CHRM3: variants seen among roughly 807,000 people sequenced by gnomAD.
CHRM3 encodes muscarinic acetylcholine receptor M3.
A neutral mutation model predicts 41.8 loss-of-function variants in CHRM3; 11 were observed. The ratio of observed to expected loss-of-function variants is 0.26; its 90% CI spans 0.17 to 0.44. CHRM3 has a LOEUF of 0.44. Ranked by LOEUF, CHRM3 falls within the 20% of genes least tolerant of loss-of-function variation. CHRM3 has a pLI of 1.00. For synonymous variants in CHRM3, 297 were observed against 301.4 expected (o/e 0.99, Z 0.15); for missense variants, 571 against 745.4 (o/e 0.77, Z 2.72).
chr1:239,801,878 T>A (rs1232515156), intron 5 of CHRM3, among the ~76,000 whole-genome samples: 1 of 152,148 alleles, frequency 6.6e-6, no homozygotes, highest in Non-Finnish European at 1.5e-5. Flanking sequence ...ATGATACCAT[T>A]ACTTTCATGT....
At chr1:239,413,006 A>G (rs1661221129) in intron 1 of CHRM3, among the ~76,000 whole-genome samples, 2 of 151,442 alleles carry the variant, frequency 1.3e-5, no homozygotes, top group Admixed American at 6.6e-5. Context: ...TGAACCCGGG[A>G]GGTGGAGGTT....
chr1:239,827,437 A>C (rs1372258706), intron 6 of CHRM3, 59 bp downstream of exon 6: 1 of 152,182 alleles, frequency 6.6e-6, no homozygotes, highest in African/African-American at 2.4e-5. Flanking sequence ...AGAAGAATGG[A>C]CAAATTGCCT....
chr1:239,705,148 A>T (rs1661026805), intron 5 of CHRM3: 1 of 152,240 alleles, frequency 6.6e-6, no homozygotes, highest in African/African-American at 2.4e-5. Context: ...TCGAGGTTAC[A>T]GTGAGCTATG....
chr1:239,505,198 A>G (rs1402002944), intron 2 of CHRM3, among the ~76,000 whole-genome samples: 3 of 152,252 alleles, frequency 2.0e-5, no homozygotes, highest in African/African-American at 7.2e-5. Flanking sequence ...AGCTGTGAGA[A>G]CTGAGTGGAA....
intron 6 of CHRM3, among the ~76,000 whole-genome samples, chr1:239,889,500 C>T (rs1678364545): frequency 6.6e-6 from 1 of 152,138 alleles, no homozygotes; most frequent in Non-Finnish European, 1.5e-5. Context: ...GTACAAGCTT[C>T]CAGCTTGCTT....
At chr1:239,802,723 G>A (rs150060141) in intron 5 of CHRM3, among the ~76,000 whole-genome samples, 1,927 of 152,204 alleles carry the variant, frequency 0.013, 49 homozygotes, top group African/African-American at 0.045. Context: ...TCAGCCTCCC[G>A]TGTAGCTGGG....
At chr1:239,515,750 T>C (rs1669224435) in intron 2 of CHRM3, among the ~76,000 whole-genome samples, 1 of 152,184 alleles carries the variant, frequency 6.6e-6, no homozygotes, top group African/African-American at 2.4e-5. Flanking sequence ...TCTGCCATCA[T>C]TTGGCCAAAA....
chr1:239,857,516 A>G (rs183151317), intron 6 of CHRM3, among the ~76,000 whole-genome samples: 1 of 152,272 alleles, frequency 6.6e-6, no homozygotes, highest in East Asian at 1.9e-4. Context: ...GTGTGTGTGA[A>G]GTAAAAATCA....
chr1:239,777,074 CAAT>C (rs1371119643), intron 5 of CHRM3, among the ~76,000 whole-genome samples: 10 of 152,138 alleles, frequency 6.6e-5, no homozygotes, highest in African/African-American at 2.2e-4. Context: ...TGAGCTAACA[CAAT>C]AATCCTTTCA....
intron 6 of CHRM3, among the ~76,000 whole-genome samples, chr1:239,895,542 T>C (rs1466123943): frequency 2.9e-5 from 4 of 139,672 alleles, no homozygotes; most frequent in African/African-American, 1.2e-4. Context: ...CTGTTCACAA[T>C]AGCAAAGACA....
intron 5 of CHRM3, among the ~76,000 whole-genome samples, chr1:239,719,332 A>T (rs1038904734): frequency 2.1e-4 from 32 of 152,152 alleles, no homozygotes; most frequent in African/African-American, 7.2e-4. Flanking sequence ...GTAGTTATTT[A>T]GCCCTTAATT....
intron 3 of CHRM3, among the ~76,000 whole-genome samples, chr1:239,623,498 A>ATTT (rs532141328): frequency 9.7e-4 from 123 of 126,766 alleles, no homozygotes; most frequent in African/African-American, 3.2e-3. Context: ...TTTTTTTTTA[A>ATTT]TTTTTTTTTT....
At chr1:239,622,060 G>T (rs1257328034) in intron 3 of CHRM3, among the ~76,000 whole-genome samples, 1 of 152,032 alleles carries the variant, frequency 6.6e-6, no homozygotes. Context: ...AATCTACTTT[G>T]CCTGTGCTCT....
At chr1:239,480,119 G>GA (rs371692571) in intron 1 of CHRM3, among the ~76,000 whole-genome samples, 1 of 151,994 alleles carries the variant, frequency 6.6e-6, no homozygotes, top group Non-Finnish European at 1.5e-5. Context: ...TCTACATCTA[G>GA]AAAAAATGAG....
chr1:239,535,286 T>A (rs1363421334), intron 2 of CHRM3, among the ~76,000 whole-genome samples: 2 of 152,062 alleles, frequency 1.3e-5, no homozygotes, highest in African/African-American at 2.4e-5. Context: ...AGAATTCCTC[T>A]AATAAAAGGT....
At chr1:239,566,151 C>G (rs1661344941) in intron 3 of CHRM3, among the ~76,000 whole-genome samples, 1 of 151,974 alleles carries the variant, frequency 6.6e-6, no homozygotes, top group Admixed American at 6.6e-5. Flanking sequence ...TAGGCTTAAG[C>G]AATTCTCCCG....
chr1:239,783,516 A>G (rs887265153), intron 5 of CHRM3, among the ~76,000 whole-genome samples: 1 of 152,178 alleles, frequency 6.6e-6, no homozygotes, highest in Non-Finnish European at 1.5e-5. Context: ...AATAATAGCC[A>G]TCTTGAAGGG....
chr1:239,734,925 T>G (rs1262494643), intron 5 of CHRM3, among the ~76,000 whole-genome samples: 1 of 152,102 alleles, frequency 6.6e-6, no homozygotes, highest in East Asian at 1.9e-4. Context: ...TGTTGGAAAT[T>G]TTCCATTATT....
chr1:239,875,190 A>G (rs1221007676), intron 6 of CHRM3, among the ~76,000 whole-genome samples: 5 of 152,328 alleles, frequency 3.3e-5, no homozygotes, highest in African/African-American at 4.8e-5. Context: ...TACAACAGAC[A>G]TGAATTCTGT....
Sources: gnomAD v4.1 joint callset for allele counts (sites outside exome capture counted in the v4.1 genomes callset) on GRCh38, gnomAD v4.1.1 for gene constraint, MANE v1.5 for transcripts, NCBI Gene and HGNC (gene_info 2026-07-23, HGNC 2026-07-21) for gene names.